The following DPYD variants were observed in gnomAD, a reference collection of about 807,000 sequenced individuals.
The protein encoded by DPYD is dihydropyrimidine dehydrogenase [NADP(+)].
In DPYD, 109 loss-of-function variants were observed where a neutral mutation model predicts 116.2. The ratio of observed to expected loss-of-function variants is 0.94; its 90% CI spans 0.80 to 1.10. The LOEUF is 1.10. DPYD is among the 50% of genes least tolerant of loss of function. DPYD has a pLI of 0.00. For missense variants in DPYD, 1,302 were observed against 1,254.5 expected (o/e 1.04, Z -0.57); for synonymous variants, 440 against 432.0 (o/e 1.02, Z -0.23).
chr1:97,450,404 T>C (rs1053629298), intron 13 of DPYD, among the ~76,000 whole-genome samples, 181 bp from the exon 14 acceptor site: 9 of 152,148 alleles, frequency 5.9e-5, no homozygotes, highest in African/African-American at 1.9e-4. Context: ...AAAGGTAAAA[T>C]AAAGTATTTG....
intron 7 of DPYD, among the ~76,000 whole-genome samples, chr1:97,686,590 T>C (rs567991172): frequency 2.9e-4 from 36 of 124,186 alleles, no homozygotes; most frequent in Admixed American, 1.4e-3. Context: ...TGAGCCGAGA[T>C]CGCGCCACTG....
chr1:97,444,717 A>C (rs1186673206), intron 14 of DPYD, among the ~76,000 whole-genome samples: 1 of 152,174 alleles, frequency 6.6e-6, no homozygotes, highest in Non-Finnish European at 1.5e-5. Context: ...TCTTTTTTAA[A>C]GCTTCTTATA....
chr1:97,370,145 G>A (rs1425095622), intron 16 of DPYD, among the ~76,000 whole-genome samples: 2 of 152,070 alleles, frequency 1.3e-5, no homozygotes, highest in African/African-American at 4.8e-5. Flanking sequence ...CCCAGTAATA[G>A]GATTGCTGGG....
At chr1:97,133,179 T>G (rs939488856) in intron 20 of DPYD, among the ~76,000 whole-genome samples, 4 of 152,056 alleles carry the variant, frequency 2.6e-5, no homozygotes, top group African/African-American at 9.7e-5. Flanking sequence ...GCATTAATTC[T>G]GCCACACTTA....
At chr1:97,620,206 T>A (rs1267435938) in intron 8 of DPYD, among the ~76,000 whole-genome samples, 2 of 152,228 alleles carry the variant, frequency 1.3e-5, no homozygotes, top group East Asian at 3.9e-4. Context: ...TACATTTTCT[T>A]TTTGTCCTTT....
At chr1:97,563,537 A>T (rs1192205986) in intron 11 of DPYD, among the ~76,000 whole-genome samples, 1 of 152,176 alleles carries the variant, frequency 6.6e-6, no homozygotes, top group South Asian at 2.1e-4. Flanking sequence ...GTAATCTTCA[A>T]TTTGATGGAA....
At chr1:97,622,127 G>A (rs1656666570) in intron 8 of DPYD, among the ~76,000 whole-genome samples, 1 of 151,992 alleles carries the variant, frequency 6.6e-6, no homozygotes, top group Non-Finnish European at 1.5e-5. Flanking sequence ...ATTAGGTGTG[G>A]CCTGCTCATA....
chr1:97,220,082 C>T (rs986642341), intron 19 of DPYD, among the ~76,000 whole-genome samples: 5 of 152,014 alleles, frequency 3.3e-5, no homozygotes, highest in Admixed American at 3.3e-4. Flanking sequence ...TTGAATGTCC[C>T]CTCCAAAACT....
chr1:97,282,469 T>C (rs570701167), intron 18 of DPYD, among the ~76,000 whole-genome samples: 1 of 152,228 alleles, frequency 6.6e-6, no homozygotes, highest in South Asian at 2.1e-4. Flanking sequence ...TTTATGACTC[T>C]AATAGACAAA....
intron 3 of DPYD, among the ~76,000 whole-genome samples, chr1:97,757,339 T>G (rs1665305521): frequency 6.6e-6 from 1 of 152,006 alleles, no homozygotes; most frequent in Non-Finnish European, 1.5e-5. Context: ...GAGGAGACAG[T>G]GGAAGAGGCA....
intron 20 of DPYD, among the ~76,000 whole-genome samples, chr1:97,108,061 A>G (rs1193859489): frequency 6.6e-6 from 1 of 152,152 alleles, no homozygotes; most frequent in African/African-American, 2.4e-5. Context: ...CCAGGGTGTT[A>G]CATGCAGAAG....
At chr1:97,462,218 A>G (rs1677070277) in intron 13 of DPYD, among the ~76,000 whole-genome samples, 1 of 152,234 alleles carries the variant, frequency 6.6e-6, no homozygotes, top group Non-Finnish European at 1.5e-5. Context: ...CTACAGAAAA[A>G]AATGAATAAA....
intron 13 of DPYD, among the ~76,000 whole-genome samples, chr1:97,508,688 A>G (rs12032158): frequency 0.3 from 45,008 of 151,696 alleles, 6,764 homozygotes; most frequent in East Asian, 0.48. Flanking sequence ...CAGAGAGGAT[A>G]CATTATGTAA....
chr1:97,247,882 C>G (rs1662829045), intron 18 of DPYD, among the ~76,000 whole-genome samples: 1 of 152,098 alleles, frequency 6.6e-6, no homozygotes, highest in Non-Finnish European at 1.5e-5. Context: ...AACATTTTCA[C>G]AAAGCAAACT....
chr1:97,264,553 T>C (rs1314365298), intron 18 of DPYD, among the ~76,000 whole-genome samples: 7 of 152,158 alleles, frequency 4.6e-5, no homozygotes, highest in African/African-American at 7.2e-5. Flanking sequence ...CCATTAATCA[T>C]ATTTGTTTTA....
chr1:97,352,890 G>A (rs557764401), intron 16 of DPYD, among the ~76,000 whole-genome samples: 24 of 152,130 alleles, frequency 1.6e-4, no homozygotes, highest in Middle Eastern at 3.4e-3. Flanking sequence ...ACAATAAGGC[G>A]GAAAGAGAAA....
chr1:97,533,876 G>C (rs892706663), intron 12 of DPYD, among the ~76,000 whole-genome samples: 1 of 152,102 alleles, frequency 6.6e-6, no homozygotes, highest in Non-Finnish European at 1.5e-5. Context: ...GGGAAGGATG[G>C]TTGTGAAGAT....
rs66629750 is a variant in DPYD, at chr1:97,314,490, C to CTTTTTTTTTTTTT, written c.2059-8206_2059-8194dup. 2.4e-5 allele frequency among the ~76,000 whole-genome samples: 3 copies of CTTTTTTTTTTTTT among 123,414 alleles called. 1 individual carries two copies. The highest frequency in any genetic ancestry group is 6.1e-5 in the African/African-American group (2 of 32,968). 81.0% of individuals were successfully genotyped at this position (123,414 alleles called of 152,430 possible). A position where few individuals can be genotyped will look rare whatever the true frequency, so the allele number is the denominator to read the frequency against. ...CATTCCACTTAGTCGCTAAAGCTTT[C>CTTTTTTTTTTTTT]TTTTTTTTTTTTTTTTTTTTTACAA... On this transcript the variant is annotated intron_variant, in intron 16 of 22. Coordinates refer to ENST00000370192, the MANE Select transcript of DPYD (RefSeq NM_000110.4).
intron 13 of DPYD, among the ~76,000 whole-genome samples, chr1:97,494,903 G>A (rs1036276202): frequency 5.0e-4 from 76 of 152,072 alleles, no homozygotes; most frequent in Admixed American, 4.5e-3. Context: ...CTTCAGATAC[G>A]AGCACAATGC....
Sources: gnomAD v4.1 joint callset for allele counts (sites outside exome capture counted in the v4.1 genomes callset) on GRCh38, gnomAD v4.1.1 for gene constraint, MANE v1.5 for transcripts, NCBI Gene and HGNC (gene_info 2026-07-23, HGNC 2026-07-21) for gene names.